Variants in EIF4E3 observed in about 807,000 individuals in gnomAD.
EIF4E3 encodes the protein eukaryotic translation initiation factor 4E type 3.
In EIF4E3, 26 loss-of-function variants were observed where a neutral mutation model predicts 31.7. The ratio of observed to expected loss-of-function variants is 0.82; its 90% CI spans 0.60 to 1.14. The LOEUF (loss-of-function observed/expected upper bound fraction) is 1.14. Among genes scored for constraint, EIF4E3 ranks in the 50% most tolerant of loss-of-function variants. The probability of loss-of-function intolerance (pLI) is 0.00; values close to 1 mark genes in which losing one functional copy is unlikely to be tolerated. For missense variants in EIF4E3, 304 were observed against 270.9 expected (o/e 1.12, Z -0.86); for synonymous variants, 128 against 107.7 (o/e 1.19, Z -1.17).
intron 2 of EIF4E3, among the ~76,000 whole-genome samples, chr3:71,702,712 A>T (rs1186278180): frequency 1.2e-4 from 10 of 86,504 alleles, no homozygotes; most frequent in East Asian, 5.1e-4. Context: ...TCACACCATT[A>T]AAAAAAAAAA....
intron 1 of EIF4E3, among the ~76,000 whole-genome samples, chr3:71,714,619 G>A (rs189097679): frequency 7.4e-4 from 113 of 152,248 alleles, no homozygotes; most frequent in East Asian, 2.9e-3. Context: ...CCTCATGCCC[G>A]AACTTCATAC....
intron 1 of EIF4E3, among the ~76,000 whole-genome samples, chr3:71,715,506 A>G (rs927030890): frequency 1.3e-5 from 2 of 152,246 alleles, no homozygotes; most frequent in African/African-American, 4.8e-5. Context: ...GGTGGGAAAG[A>G]AAGCTGAGGG....
chr3:71,675,523 G>A lies in EIF4E3; in HGVS notation c.*9159C>T, dbSNP rs1240551896. On this transcript the variant is annotated 3_prime_UTR_variant, in exon 7 of 7. Coordinates refer to ENST00000425534, the MANE Select transcript of EIF4E3 (RefSeq NM_001134651.2). Reference sequence around the variant, plus strand: ...AAGACAAATCTGCTTACATGGAGTTGTCGCAAAGAAGCAGGTTAGAAAACA... The same window carrying A: ...AAGACAAATCTGCTTACATGGAGTTATCGCAAAGAAGCAGGTTAGAAAACA... The A allele has an allele frequency of 1.3e-5, 2 of 152,162 alleles. No homozygotes were observed. Among genetic ancestry groups the A allele is most frequent in the African/African-American group, 2.4e-5 (1 of 41,446 alleles). The allele number at this position is 152,162 out of a possible 1,614,324, so 9.4% of individuals were successfully genotyped here. A position where few individuals can be genotyped will look rare whatever the true frequency, so the allele number is the denominator to read the frequency against.
intron 1 of EIF4E3, among the ~76,000 whole-genome samples, chr3:71,750,766 G>T (rs60208439): frequency 0.45 from 66,539 of 146,816 alleles, 16,765 homozygotes; most frequent in Middle Eastern, 0.63. Context: ...CAAATAATTG[G>T]TTTTTTTTTT....
chr3:71,665,256 C>G, the EIF4E3 span, among the ~76,000 whole-genome samples: 1 of 152,120 alleles, frequency 6.6e-6, no homozygotes, highest in African/African-American at 2.4e-5. Context: ...TACTTTAGTA[C>G]GAGTTTCCAA....
the EIF4E3 span, among the ~76,000 whole-genome samples, chr3:71,666,552 C>T: frequency 1.3e-5 from 2 of 152,264 alleles, no homozygotes; most frequent in Admixed American, 1.3e-4. Flanking sequence ...TGAATCTATT[C>T]CAAACAATAG....
chr3:71,734,168 A>T (rs1442673296), intron 1 of EIF4E3, among the ~76,000 whole-genome samples: 1 of 152,226 alleles, frequency 6.6e-6, no homozygotes, highest in African/African-American at 2.4e-5. Flanking sequence ...GTGGTAAGAC[A>T]GTATCTTATT....
chr3:71,747,224 G>A (rs2049883082), intron 1 of EIF4E3, among the ~76,000 whole-genome samples: 3 of 152,070 alleles, frequency 2.0e-5, no homozygotes, highest in African/African-American at 7.3e-5. Context: ...CAAACCAGCT[G>A]TATCATTTTC....
At chr3:71,719,464 A>G (rs1211705393) in intron 1 of EIF4E3, among the ~76,000 whole-genome samples, 2 of 151,870 alleles carry the variant, frequency 1.3e-5, no homozygotes, top group Non-Finnish European at 2.9e-5. Flanking sequence ...TGAGAAACAC[A>G]GGCTTGGTGG....
chr3:71,710,711 G>GA lies in EIF4E3; in HGVS notation c.177-228dup, dbSNP rs902463042. 4.0e-5 allele frequency among the ~76,000 whole-genome samples: 6 copies of GA among 150,272 alleles called. No homozygotes were observed. The East Asian group carries it at 5.8e-4, about 15-fold the overall frequency. ...CAGATTTATTCTTGGAAACTTAACA[G>GA]AAAAAAAAAGATAAGTATGTATTAA... On this transcript the variant is annotated intron_variant, in intron 1 of 6. Transcript: ENST00000425534.
chr3:71,677,310 G>A lies in EIF4E3; in HGVS notation c.*7372C>T, dbSNP rs965309602. 3.3e-5 allele frequency: 5 copies of A among 152,194 alleles called. No individual in the cohort carries two copies. The highest frequency in any genetic ancestry group is 1.9e-4 in the East Asian group (1 of 5,182). The allele number at this position is 152,194 out of a possible 1,614,324, so 9.4% of individuals were successfully genotyped here. On this transcript the variant is annotated 3_prime_UTR_variant, in exon 7 of 7. Transcript: ENST00000425534. ...TTCTTCATGTAACAAAAGAACCATC[G>A]TCTTGTAGGATTCCAGAGATTTTTT...
rs1226932388 is a variant in EIF4E3, at chr3:71,710,397, C to G, written c.249+15G>C. ...TGTGCCGTGTTAATCCAGTTAGTCCCTCTCTTGATCTTACCTGTACTGTCT... is the reference window on the plus strand; with the variant it reads ...TGTGCCGTGTTAATCCAGTTAGTCCGTCTCTTGATCTTACCTGTACTGTCT... On this transcript the variant is annotated intron_variant, in intron 2 of 6. Transcript: ENST00000425534. 4 of 1,551,646 alleles carry G rather than the reference C, an allele frequency of 2.6e-6. No homozygotes were observed. The highest frequency in any genetic ancestry group is 4.9e-5 in the East Asian group (2 of 40,924).
At chr3:71,704,447 G>A (rs2049262104) in intron 2 of EIF4E3, among the ~76,000 whole-genome samples, 1 of 152,236 alleles carries the variant, frequency 6.6e-6, no homozygotes. Flanking sequence ...TCTGAGAACA[G>A]CTGTGAAGGC....
intron 1 of EIF4E3, among the ~76,000 whole-genome samples, chr3:71,732,856 CCT>C (rs917158234): frequency 1.3e-5 from 2 of 152,240 alleles, no homozygotes; most frequent in African/African-American, 4.8e-5. Flanking sequence ...AATCGGTGAA[CCT>C]CTGAGTCTCC....
At chr3:71,754,022 G>T, upstream of EIF4E3, 1 of 1,140,942 alleles carries the variant, frequency 8.8e-7, no homozygotes, top group Non-Finnish European at 1.1e-6. This position sits in a 1 kb window ranked among gnomAD's most constrained non-coding sequence, Gnocchi z 5.8. Context: ...CGGCCCCGGG[G>T]CGGAGCGCAC....
Position 71,684,482 on chromosome 3 carries a change from G to C in EIF4E3, c.*200C>G, listed in dbSNP as rs1016744321. On this transcript the variant is annotated 3_prime_UTR_variant, in exon 7 of 7. Transcript: ENST00000425534. ...TGTGTGTGTTTTTTTTAAAAAGCAA[G>C]TAATGTGACGGTAGAAACCCACACA... 7 of 422,194 alleles carry C rather than the reference G, an allele frequency of 1.7e-5. No homozygotes were observed. In the Admixed American group the frequency reaches 3.0e-4, roughly 18 times the overall value. The allele number at this position is 422,194 out of a possible 1,614,324, so 26.2% of individuals were successfully genotyped here. A position where few individuals can be genotyped will look rare whatever the true frequency, so the allele number is the denominator to read the frequency against.
At chr3:71,694,577 C>T (rs1299517211) in intron 4 of EIF4E3, among the ~76,000 whole-genome samples, 1 of 152,188 alleles carries the variant, frequency 6.6e-6, no homozygotes, top group Non-Finnish European at 1.5e-5. Context: ...TCTTTCTCCT[C>T]ATGATCTAAT....
intron 5 of EIF4E3, among the ~76,000 whole-genome samples, chr3:71,693,394 G>A (rs796709582): frequency 1.3e-5 from 2 of 152,174 alleles, no homozygotes; most frequent in African/African-American, 2.4e-5. Flanking sequence ...GCAGGGGACA[G>A]AGAGAACAAG....
At chr3:71,752,734 A>G (rs566465252) in intron 1 of EIF4E3, among the ~76,000 whole-genome samples, 1 of 152,234 alleles carries the variant, frequency 6.6e-6, no homozygotes. Flanking sequence ...ATGACAAATT[A>G]TAAGTGCTAA....
Sources: allele counts gnomAD v4.1 joint callset (sites outside exome capture counted in the v4.1 genomes callset), GRCh38; gene constraint gnomAD v4.1.1; non-coding constraint Gnocchi (gnomAD v3.1); transcripts MANE v1.5; gene names NCBI Gene and HGNC (gene_info 2026-07-23, HGNC 2026-07-21).